Variants in AGPAT2 observed in about 807,000 individuals in gnomAD.
The protein encoded by AGPAT2 is 1-acyl-sn-glycerol-3-phosphate acyltransferase beta.
In AGPAT2, 18 loss-of-function variants were observed where a neutral mutation model predicts 26.1. The observed-to-expected ratio is 0.69, with a 90% confidence interval of 0.48 to 1.02. AGPAT2 has a LOEUF of 1.02. AGPAT2 is among the 50% of genes least tolerant of loss of function. AGPAT2 has a pLI of 0.00. For synonymous variants in AGPAT2, 200 were observed against 174.2 expected (o/e 1.15, Z -1.16); for missense variants, 415 against 394.9 (o/e 1.05, Z -0.43).
Position 136,687,414 on chromosome 9 carries a change from C to T in AGPAT2, c.-57G>A, listed in dbSNP as rs1846239066. The T allele has an allele frequency of 2.2e-6, 3 of 1,360,228 alleles. No homozygotes were observed. The highest frequency in any genetic ancestry group is 3.8e-5 in the Admixed American group (1 of 26,358). 84.3% of individuals were successfully genotyped at this position (1,360,228 alleles called of 1,614,324 possible). A position where few individuals can be genotyped will look rare whatever the true frequency, so the allele number is the denominator to read the frequency against. On this transcript the variant is annotated 5_prime_UTR_variant, in exon 1 of 6. Coordinates refer to ENST00000371696, the MANE Select transcript of AGPAT2 (RefSeq NM_006412.4). ...CTCGCTCCCGCTCCCGCTCCCGCTT[C>T]TCCCCCGCGCGCTCAGGCCCCTTAT...
intron 2 of AGPAT2, 23 bp from the exon 3 acceptor site, chr9:136,677,159 C>T (rs201738196): frequency 1.2e-6 from 2 of 1,611,752 alleles, no homozygotes; most frequent in African/African-American, 2.7e-5. Flanking sequence ...GAGACAGAGA[C>T]AGAGAGAGAG....
chr9:136,679,018 T>C (rs1399887134), intron 1 of AGPAT2, among the ~76,000 whole-genome samples: 1 of 152,208 alleles, frequency 6.6e-6, no homozygotes, highest in Admixed American at 6.5e-5. Context: ...CCTCCCAAAG[T>C]GCTGGGCTTA....
At chr9:136,686,685 C>T (rs1846225286) in intron 1 of AGPAT2, among the ~76,000 whole-genome samples, 2 of 152,220 alleles carry the variant, frequency 1.3e-5, no homozygotes. Context: ...CAGGTGCGCC[C>T]ATCACCGGGC....
In AGPAT2 at chr9:136,673,571, G is replaced by A. The variant is rs908905023; in HGVS notation, c.*181C>T. ...AGGGTCCAGCTGAGCCCCCTGCAGG[G>A]GACACCAGGGGCCTGTGTCTGAGGC... On this transcript the variant is annotated 3_prime_UTR_variant, in exon 6 of 6. Coordinates refer to ENST00000371696, the MANE Select transcript of AGPAT2 (RefSeq NM_006412.4). The A allele has an allele frequency of 3.4e-5, 22 of 642,772 alleles. No individual in the cohort carries two copies. The highest frequency in any genetic ancestry group is 5.3e-5 in the Non-Finnish European group (22 of 416,880). 39.8% of individuals were successfully genotyped at this position (642,772 alleles called of 1,614,324 possible). A position where few individuals can be genotyped will look rare whatever the true frequency, so the allele number is the denominator to read the frequency against.
chr9:136,674,949 C>A, intron 4 of AGPAT2, 142 bp from the exon 5 acceptor site: 1 of 507,190 alleles, frequency 2.0e-6, no homozygotes, highest in Non-Finnish European at 3.3e-6. Context: ...GGCTGTCCTG[C>A]CCCTGGGACC....
chr9:136,676,428 C>A (rs533362353), intron 4 of AGPAT2, among the ~76,000 whole-genome samples, 157 bp downstream of exon 4: 2 of 152,334 alleles, frequency 1.3e-5, no homozygotes, highest in South Asian at 4.1e-4. Flanking sequence ...GGGGCAAGTG[C>A]AGGAAGGGGC....
chr9:136,674,017 C>A (rs1012838445), intron 5 of AGPAT2, 90 bp from the exon 6 acceptor site: 9 of 1,290,602 alleles, frequency 7.0e-6, no homozygotes, highest in Non-Finnish European at 8.1e-6. Context: ...CCCAGCCCCC[C>A]ACAGCCCCTC....
intron 1 of AGPAT2, among the ~76,000 whole-genome samples, chr9:136,681,102 C>CTT (rs141839033): frequency 6.9e-5 from 10 of 143,896 alleles, no homozygotes; most frequent in East Asian, 4.0e-4. Flanking sequence ...AAAACTTTTC[C>CTT]TTTTTTTTTT....
intron 1 of AGPAT2, among the ~76,000 whole-genome samples, chr9:136,685,604 C>T (rs1210383300): frequency 2.0e-5 from 3 of 152,186 alleles, no homozygotes; most frequent in Non-Finnish European, 2.9e-5. Context: ...AACAGGACCC[C>T]GTCCCCTGTC....
intron 1 of AGPAT2, among the ~76,000 whole-genome samples, chr9:136,682,254 G>A (rs1846170874): frequency 1.3e-5 from 2 of 152,254 alleles, no homozygotes; most frequent in African/African-American, 4.8e-5. Context: ...CCCTCAGCAG[G>A]GCTGGGAGCT....
intron 1 of AGPAT2, 34 bp downstream of exon 1, chr9:136,687,142 T>C: frequency 6.4e-7 from 1 of 1,560,248 alleles, no homozygotes; most frequent in Non-Finnish European, 8.6e-7. Flanking sequence ...GGCGCGGCGG[T>C]TCCCCGGCCC....
intron 1 of AGPAT2, among the ~76,000 whole-genome samples, chr9:136,684,008 A>C (rs1277187763): frequency 2.0e-5 from 3 of 152,202 alleles, no homozygotes; most frequent in Non-Finnish European, 4.4e-5. Flanking sequence ...CCTGCCCTGC[A>C]GCCAGGAGCT....
intron 1 of AGPAT2, among the ~76,000 whole-genome samples, chr9:136,681,871 C>T (rs532226489): frequency 1.2e-3 from 189 of 152,172 alleles, no homozygotes; most frequent in Non-Finnish European, 1.3e-3. Context: ...CTCCTGCGGC[C>T]GAGGACACCC....
At chr9:136,679,609 G>T (rs937281092) in intron 1 of AGPAT2, among the ~76,000 whole-genome samples, 8 of 152,186 alleles carry the variant, frequency 5.3e-5, no homozygotes, top group South Asian at 4.1e-4. Flanking sequence ...GACGCTCCAA[G>T]AAGACGAGGA....
Position 136,673,678 on chromosome 9 carries a change from G to C in AGPAT2, c.*74C>G. On this transcript the variant is annotated 3_prime_UTR_variant, in exon 6 of 6. Transcript: ENST00000371696. ...CAGAGTGGTATTTGGAAGCCGGGAG[G>C]AGTCCCCTCTGCCCATCCTCCAGCC... 7.0e-7 allele frequency: 1 copy of C among 1,427,506 alleles called. No homozygotes were observed. Among genetic ancestry groups the C allele is most frequent in the Non-Finnish European group, 9.4e-7 (1 of 1,069,068 alleles). 88.4% of individuals were successfully genotyped at this position (1,427,506 alleles called of 1,614,324 possible). A position where few individuals can be genotyped will look rare whatever the true frequency, so the allele number is the denominator to read the frequency against.
intron 4 of AGPAT2, among the ~76,000 whole-genome samples, chr9:136,676,322 C>G (rs1346713010): frequency 6.6e-6 from 1 of 152,176 alleles, no homozygotes. Context: ...TGCCCAGCCT[C>G]GCAGGCCAAG....
At chr9:136,674,011 G>A (rs1846051938) in intron 5 of AGPAT2, 84 bp from the exon 6 acceptor site, 1 of 1,285,194 alleles carries the variant, frequency 7.8e-7, no homozygotes, top group African/African-American at 1.5e-5. Context: ...CCTCTCCCCA[G>A]CCCCCCACAG....
intron 2 of AGPAT2, 113 bp from the exon 3 acceptor site, chr9:136,677,249 G>A (rs1846104356): frequency 6.6e-7 from 1 of 1,505,258 alleles, no homozygotes; most frequent in Non-Finnish European, 9.1e-7. Context: ...CTGGCTACCT[G>A]GACGGGTCGT....
chr9:136,676,856 G>T, intron 3 of AGPAT2, 105 bp downstream of exon 3: 1 of 1,403,236 alleles, frequency 7.1e-7, no homozygotes, highest in Non-Finnish European at 9.9e-7. Context: ...CATGGATGAT[G>T]TGGGGGTCTT....
Sources: allele counts gnomAD v4.1 joint callset (sites outside exome capture counted in the v4.1 genomes callset), GRCh38; gene constraint gnomAD v4.1.1; transcripts MANE v1.5; gene names NCBI Gene and HGNC (gene_info 2026-07-23, HGNC 2026-07-21).